EPHA7: variants seen among roughly 807,000 people sequenced by gnomAD.
EPHA7 encodes ephrin type-A receptor 7.
EPHA7 carries 25 observed loss-of-function variants against 112.6 expected under a neutral mutation model. The observed-to-expected ratio is 0.22, with a 90% CI of 0.16 to 0.31. The LOEUF (loss-of-function observed/expected upper bound fraction) is 0.31, where lower values mean the gene tolerates loss of function less well. EPHA7 is among the 10% of genes least tolerant of loss of function. The pLI is 1.00. For synonymous variants in EPHA7, 437 were observed against 406.5 expected, an observed-to-expected ratio of 1.07 and a Z score of -0.90; for missense variants, 962 against 1,212.6, an observed-to-expected ratio of 0.79 and a Z score of 3.07.
chr6:93,350,655 C>T (rs1280701872), intron 5 of EPHA7, among the ~76,000 whole-genome samples: 1 of 151,938 alleles, frequency 6.6e-6, no homozygotes, highest in Non-Finnish European at 1.5e-5. Context: ...GAGATGTCTC[C>T]ACACCCTGAT....
intron 5 of EPHA7, among the ~76,000 whole-genome samples, chr6:93,324,039 G>T (rs1409012919): frequency 3.3e-5 from 5 of 151,278 alleles, no homozygotes; most frequent in Admixed American, 6.6e-5. Flanking sequence ...ATCCATGAAG[G>T]GGCAGACAGA....
At chr6:93,361,017 ACTTT>A (rs909890635) in intron 3 of EPHA7, among the ~76,000 whole-genome samples, 13 of 152,088 alleles carry the variant, frequency 8.5e-5, no homozygotes, top group Non-Finnish European at 1.9e-4. Flanking sequence ...GAAAGCTATT[ACTTT>A]AACTTAGAAA....
chr6:93,336,690 C>T (rs1028957366), intron 5 of EPHA7, among the ~76,000 whole-genome samples: 1 of 151,962 alleles, frequency 6.6e-6, no homozygotes, highest in Non-Finnish European at 1.5e-5. Context: ...CATGAGCCAC[C>T]CTGCCCAGCT....
chr6:93,370,980 C>T (rs1343178898), intron 3 of EPHA7, among the ~76,000 whole-genome samples: 1 of 139,948 alleles, frequency 7.1e-6, no homozygotes, highest in African/African-American at 2.7e-5. Context: ...CCTGTCTCTA[C>T]GAAAAATACA....
chr6:93,261,758 C>T (rs755867937), intron 9 of EPHA7, among the ~76,000 whole-genome samples: 1 of 151,462 alleles, frequency 6.6e-6, no homozygotes, highest in Non-Finnish European at 1.5e-5. Context: ...ACTTTATATA[C>T]AGCAAGTTTA....
chr6:93,335,308 A>C (rs1774810968), intron 5 of EPHA7, among the ~76,000 whole-genome samples: 1 of 152,080 alleles, frequency 6.6e-6, no homozygotes, highest in South Asian at 2.1e-4. Context: ...GAGATTTTTC[A>C]TCTAATGTAA....
At chr6:93,405,712 C>G (rs1778660885) in intron 3 of EPHA7, among the ~76,000 whole-genome samples, 1 of 149,530 alleles carries the variant, frequency 6.7e-6, no homozygotes, top group African/African-American at 2.4e-5. Flanking sequence ...AGTTGTGAAA[C>G]CAGCATTTTG....
chr6:93,346,579 T>C (rs922795733), intron 5 of EPHA7, among the ~76,000 whole-genome samples: 7 of 151,828 alleles, frequency 4.6e-5, no homozygotes, highest in African/African-American at 1.7e-4. Context: ...ATATTTGTTA[T>C]TTTTTATGAT....
chr6:93,388,993 G>T (rs1445307570), intron 3 of EPHA7, among the ~76,000 whole-genome samples: 1 of 151,930 alleles, frequency 6.6e-6, no homozygotes, highest in Admixed American at 6.6e-5. Flanking sequence ...TAAATTAGGA[G>T]GCTACTGACA....
chr6:93,272,829 G>T (rs1771292689), intron 5 of EPHA7, among the ~76,000 whole-genome samples: 1 of 151,916 alleles, frequency 6.6e-6, no homozygotes, highest in Admixed American at 6.6e-5. Context: ...TTAATATGAT[G>T]CAAGAAAAAG....
In EPHA7 at chr6:93,257,593, C is replaced by G. The variant is rs1387674032; in HGVS notation, c.2111-70G>C. 6 of 937,292 alleles carry G rather than the reference C, an allele frequency of 6.4e-6. No individual in the cohort carries two copies. The East Asian group carries it at 1.2e-4, about 19-fold the overall frequency. 58.1% of individuals were successfully genotyped at this position (937,292 alleles called of 1,614,324 possible). ...GAGGGTCATTTCCTTTCTCATCCCC[C>G]AATAAAACACATGGTGTTCTTTTGA... On this transcript the variant is annotated intron_variant, in intron 11 of 16. Coordinates refer to ENST00000369303, the MANE Select transcript of EPHA7 (RefSeq NM_004440.4).
At chr6:93,396,546 A>T (rs865911714) in intron 3 of EPHA7, among the ~76,000 whole-genome samples, 2 of 151,898 alleles carry the variant, frequency 1.3e-5, no homozygotes, top group Non-Finnish European at 2.9e-5. Context: ...TTTGTTATTG[A>T]TACTTGAATG....
intron 5 of EPHA7, among the ~76,000 whole-genome samples, chr6:93,311,684 G>A (rs879711743): frequency 3.3e-5 from 5 of 152,052 alleles, no homozygotes; most frequent in South Asian, 2.1e-4. Flanking sequence ...AATCATGAAC[G>A]TCCTTAATGG....
chr6:93,300,629 T>C (rs1200393114), intron 5 of EPHA7, among the ~76,000 whole-genome samples: 1 of 152,194 alleles, frequency 6.6e-6, no homozygotes, highest in Non-Finnish European at 1.5e-5. Flanking sequence ...CCCAAATAAC[T>C]ATGAAAATTC....
chr6:93,304,627 A>G (rs767726579), intron 5 of EPHA7, among the ~76,000 whole-genome samples: 1 of 152,140 alleles, frequency 6.6e-6, no homozygotes, highest in Non-Finnish European at 1.5e-5. Flanking sequence ...AATGAAGGCC[A>G]TTGTTTTATA....
At chr6:93,322,132 ATATTT>A (rs1477690800) in intron 5 of EPHA7, among the ~76,000 whole-genome samples, 1 of 151,812 alleles carries the variant, frequency 6.6e-6, no homozygotes, top group Non-Finnish European at 1.5e-5. Flanking sequence ...ATACACGCAC[ATATTT>A]TATAAACACG....
intron 3 of EPHA7, among the ~76,000 whole-genome samples, chr6:93,387,846 TC>T (rs1310936500): frequency 6.6e-6 from 1 of 151,820 alleles, no homozygotes; most frequent in African/African-American, 2.4e-5. Flanking sequence ...ATGAGGTCCC[TC>T]CCCCAATACC....
intron 3 of EPHA7, among the ~76,000 whole-genome samples, chr6:93,394,035 T>A (rs1431385920): frequency 6.6e-6 from 1 of 151,818 alleles, no homozygotes; most frequent in African/African-American, 2.4e-5. Context: ...TGAGTGTATG[T>A]GTTTGCATGT....
chr6:93,290,221 T>C (rs1443924907), intron 5 of EPHA7, among the ~76,000 whole-genome samples: 1 of 152,074 alleles, frequency 6.6e-6, no homozygotes, highest in East Asian at 1.9e-4. Flanking sequence ...AAATATGACA[T>C]ATAAAATATG....
Sources: gnomAD v4.1 joint callset for allele counts (sites outside exome capture counted in the v4.1 genomes callset) on GRCh38, gnomAD v4.1.1 for gene constraint, MANE v1.5 for transcripts, NCBI Gene and HGNC (gene_info 2026-07-23, HGNC 2026-07-21) for gene names.